REV3L: variants seen among roughly 807,000 people sequenced by gnomAD.
The protein encoded by REV3L is DNA polymerase zeta catalytic subunit.
Under a neutral mutation model 299.4 loss-of-function variants are expected in REV3L, and 69 were observed. That is an observed-to-expected ratio of 0.23 (90% CI 0.19 to 0.28). REV3L has a LOEUF of 0.28. REV3L is among the 10% of genes least tolerant of loss of function. REV3L has a pLI of 1.00. For synonymous variants in REV3L, 1,238 were observed against 1,271.4 expected (o/e 0.97, Z 0.56); for missense variants, 3,128 against 3,693.8 (o/e 0.85, Z 3.97).
In REV3L at chr6:111,405,845, A is replaced by G. The variant is rs534702378; in HGVS notation, c.405-215T>C. ...TGAATAACAAAAAACTGCATGGATG[A>G]AGAATATTTTGTCTTAAACCAATTT... On this transcript the variant is annotated intron_variant, in intron 3 of 31. Coordinates refer to ENST00000368802, the MANE Select transcript of REV3L (RefSeq NM_001372078.1). 3.9e-5 allele frequency among the ~76,000 whole-genome samples: 6 copies of G among 152,316 alleles called. No homozygotes were observed. In the South Asian group the frequency reaches 1.2e-3, roughly 32 times the overall value.
intron 2 of REV3L, among the ~76,000 whole-genome samples, chr6:111,415,879 ATGT>A (rs1784713195): frequency 6.6e-6 from 1 of 152,156 alleles, no homozygotes; most frequent in South Asian, 2.1e-4. Flanking sequence ...AATTAATTTA[ATGT>A]TGTATTTATT....
At chr6:111,409,506 A>C (rs944883597) in intron 3 of REV3L, among the ~76,000 whole-genome samples, 1 of 152,158 alleles carries the variant, frequency 6.6e-6, no homozygotes, top group Non-Finnish European at 1.5e-5. Context: ...TAATCTTAGT[A>C]TAATAAAGAT....
chr6:111,303,054 G>A (rs576734321), intron 31 of REV3L, among the ~76,000 whole-genome samples: 11 of 151,882 alleles, frequency 7.2e-5, no homozygotes, highest in Non-Finnish European at 1.3e-4. Context: ...TTTACAAGTG[G>A]AAGGATCACT....
chr6:111,451,824 C>A (rs1789580472), intron 1 of REV3L, among the ~76,000 whole-genome samples: 2 of 141,374 alleles, frequency 1.4e-5, no homozygotes, highest in Non-Finnish European at 1.5e-5. Flanking sequence ...CTTAGGTCAC[C>A]AAAAAGTATG....
chr6:111,350,099 TC>T (rs1278349253), intron 19 of REV3L, among the ~76,000 whole-genome samples: 1 of 152,222 alleles, frequency 6.6e-6, no homozygotes, highest in East Asian at 1.9e-4. Flanking sequence ...TTTACCAACA[TC>T]ATTTATTTTA....
chr6:111,311,403 A>C, intron 28 of REV3L, 144 bp from the exon 29 acceptor site: 1 of 492,846 alleles, frequency 2.0e-6, no homozygotes. Context: ...GGGATAATAA[A>C]ATTATTAAAA....
At chr6:111,346,683 A>T (rs1189430991) in intron 20 of REV3L, among the ~76,000 whole-genome samples, 1 of 152,138 alleles carries the variant, frequency 6.6e-6, no homozygotes, top group Admixed American at 6.6e-5. Context: ...CCAGCTCATA[A>T]CTTTCTTACA....
chr6:111,319,150 A>G (rs1364203663), intron 26 of REV3L, among the ~76,000 whole-genome samples: 1 of 152,188 alleles, frequency 6.6e-6, no homozygotes, highest in Admixed American at 6.5e-5. Flanking sequence ...AAATAAAGGT[A>G]CATATACTTT....
At chr6:111,324,720 G>A (rs1774553114) in intron 25 of REV3L, among the ~76,000 whole-genome samples, 1 of 152,166 alleles carries the variant, frequency 6.6e-6, no homozygotes, top group African/African-American at 2.4e-5. Context: ...GAGGGAAGGA[G>A]AAGTAATTAA....
chr6:111,316,521 C>G (rs1773536817), intron 26 of REV3L, among the ~76,000 whole-genome samples: 1 of 151,770 alleles, frequency 6.6e-6, no homozygotes, highest in African/African-American at 2.4e-5. Flanking sequence ...CAAAAATTAG[C>G]CAGGGGAGGT....
intron 1 of REV3L, chr6:111,471,904 T>C (rs931394993): frequency 4.3e-6 from 2 of 466,180 alleles, no homozygotes; most frequent in South Asian, 3.3e-5. Context: ...TTTAAAGAGG[T>C]TGATATTTAA....
chr6:111,430,942 G>A, intron 1 of REV3L: 1 of 1,590,150 alleles, frequency 6.3e-7, no homozygotes, highest in Non-Finnish European at 8.6e-7. Flanking sequence ...GACTGGGAAT[G>A]ACAACTGGAA....
chr6:111,422,617 T>TATATATATATATAC lies in REV3L; in HGVS notation c.140-6159_140-6146dup, dbSNP rs1562287126. ...ATACACATATATATATATATACACA[T>TATATATATATATAC]ATATATATATATACACATATATATA... is the stretch of plus-strand genomic sequence containing the variant. On this transcript the variant is annotated intron_variant, in intron 1 of 31. Coordinates refer to ENST00000368802, the MANE Select transcript of REV3L (RefSeq NM_001372078.1). Among the ~76,000 whole-genome samples the TATATATATATATAC allele has an allele frequency of 8.4e-4, 17 of 20,242 alleles. 2 individuals carry two copies. The South Asian group carries it at 0.01, about 12-fold the overall frequency. 13.3% of individuals were successfully genotyped at this position (20,242 alleles called of 152,430 possible). A position where few individuals can be genotyped will look rare whatever the true frequency, so the allele number is the denominator to read the frequency against.
chr6:111,356,459 CAA>C (rs1283014306), intron 18 of REV3L, among the ~76,000 whole-genome samples: 3 of 151,982 alleles, frequency 2.0e-5, no homozygotes, highest in Non-Finnish European at 4.4e-5. Context: ...ACCAAATGGT[CAA>C]AAGAGATTTT....
chr6:111,399,200 T>A (rs954343936), intron 4 of REV3L, among the ~76,000 whole-genome samples: 2 of 152,222 alleles, frequency 1.3e-5, no homozygotes, highest in African/African-American at 4.8e-5. Context: ...CTAGAAACTC[T>A]TCCATTCCTC....
chr6:111,438,025 T>A (rs1044365272), intron 1 of REV3L, among the ~76,000 whole-genome samples: 1 of 150,426 alleles, frequency 6.6e-6, no homozygotes, highest in African/African-American at 2.4e-5. Flanking sequence ...TTTTTTTTTT[T>A]TTATTTTTAT....
At chr6:111,394,799 C>T (rs1158435157) in intron 4 of REV3L, among the ~76,000 whole-genome samples, 1 of 151,198 alleles carries the variant, frequency 6.6e-6, no homozygotes, top group African/African-American at 2.4e-5. Context: ...AGCTTCCAGG[C>T]TCAAATGATC....
At position 111,389,154 on chromosome 6, in the gene REV3L, G is replaced by C; in HGVS notation, c.814C>G (p.Arg272Gly). 2.5e-6 allele frequency: 4 copies of C among 1,613,662 alleles called. No homozygotes were observed. The highest frequency in any genetic ancestry group is 3.4e-6 in the Non-Finnish European group (4 of 1,179,834). Residue 272 changes from arginine (R) to glycine (G), a missense_variant, in exon 7 of 32, where the codon CGA becomes GGA. Arg to Gly is a moderately radical substitution (Grantham distance 125, BLOSUM62 -2). Coordinates refer to ENST00000368802, the MANE Select transcript of REV3L (RefSeq NM_001372078.1). Reference protein sequence around the residue: ...QAIWEDEKQRRRNRNETSQMS... With the variant: ...QAIWEDEKQRGRNRNETSQMS... ...TGAGAAGTTTCATTTCTGTTTCTTC[G>C]CCGTTGCTTTTCATCTTCCCATATG... is the stretch of plus-strand genomic sequence containing the variant.
intron 1 of REV3L, among the ~76,000 whole-genome samples, chr6:111,464,551 A>G (rs755199086): frequency 3.9e-5 from 6 of 152,230 alleles, no homozygotes; most frequent in Non-Finnish European, 7.4e-5. Flanking sequence ...CAACATACAT[A>G]TAGGAAGAAA....
Sources: gnomAD v4.1 joint callset for allele counts (sites outside exome capture counted in the v4.1 genomes callset) on GRCh38, gnomAD v4.1.1 for gene constraint, MANE v1.5 for transcripts, NCBI Gene and HGNC (gene_info 2026-07-23, HGNC 2026-07-21) for gene names.